LARGE1: variants seen among roughly 807,000 people sequenced by gnomAD.
LARGE1 encodes LARGE xylosyl- and glucuronyltransferase 1.
A neutral mutation model predicts 87.6 loss-of-function variants in LARGE1; 43 were observed. That is an observed-to-expected ratio of 0.49 (90% CI 0.38 to 0.63). The LOEUF (loss-of-function observed/expected upper bound fraction) is 0.63, where lower values mean the gene tolerates loss of function less well. Among genes scored for constraint, LARGE1 ranks in the 30% least tolerant of loss-of-function variants. LARGE1 has a pLI of 0.00. For synonymous variants in LARGE1, 434 were observed against 394.6 expected (o/e 1.10, Z -1.18); for missense variants, 802 against 1,000.2 (o/e 0.80, Z 2.67).
At chr22:33,396,570 T>C (rs2065754412) in intron 7 of LARGE1, among the ~76,000 whole-genome samples, 1 of 151,812 alleles carries the variant, frequency 6.6e-6, no homozygotes, top group African/African-American at 2.4e-5. Flanking sequence ...CTTGGCTGGG[T>C]TTTTCTCAAG....
At chr22:33,184,103 T>TATATATATATATAA (rs71187247) in intron 11 of LARGE1, among the ~76,000 whole-genome samples, 2 of 142,318 alleles carry the variant, frequency 1.4e-5, no homozygotes, top group African/African-American at 5.2e-5. Context: ...TATATATATA[T>TATATATATATATAA]CATATCTTTA....
chr22:33,491,717 C>T (rs1418389977), intron 6 of LARGE1, among the ~76,000 whole-genome samples: 1 of 152,146 alleles, frequency 6.6e-6, no homozygotes, highest in Admixed American at 6.5e-5. Flanking sequence ...CATTTTTGTG[C>T]CCACCATTGG....
rs879265043 is a variant in LARGE1, at chr22:33,770,068, T to C, written c.-82-8510A>G. Among the ~76,000 whole-genome samples the C allele has an allele frequency of 2.0e-5, 3 of 152,216 alleles. No homozygotes were observed. In the East Asian group the frequency reaches 5.8e-4, roughly 29 times the overall value. ...CCAGAAGCAATCATAGAACATAATA[T>C]GCAAAGTGTGCAAATGTACTTTAAA... On this transcript the variant is annotated intron_variant, in intron 1 of 14. Transcript: ENST00000397394.
At chr22:33,546,877 C>T (rs533835879) in intron 6 of LARGE1, among the ~76,000 whole-genome samples, 175 of 152,204 alleles carry the variant, frequency 1.1e-3, no homozygotes, top group Middle Eastern at 3.4e-3. Context: ...AACCACCGCA[C>T]CTGGCCCATC....
chr22:33,502,259 G>A (rs1204339892), intron 6 of LARGE1, among the ~76,000 whole-genome samples: 3 of 151,812 alleles, frequency 2.0e-5, no homozygotes, highest in Non-Finnish European at 1.5e-5. Flanking sequence ...GGCAGTGACA[G>A]CGGCGGTGAG....
chr22:33,182,563 T>G (rs766930544), intron 11 of LARGE1, among the ~76,000 whole-genome samples: 6 of 152,220 alleles, frequency 3.9e-5, no homozygotes, highest in Non-Finnish European at 7.3e-5. Context: ...GGCATCACAC[T>G]CTGTGATTTT....
intron 6 of LARGE1, among the ~76,000 whole-genome samples, chr22:33,530,486 C>T (rs1602276938): frequency 7.1e-6 from 1 of 141,654 alleles, no homozygotes; most frequent in Admixed American, 7.2e-5. Context: ...TTTTAGCCAT[C>T]AGATAAGTCT....
At chr22:33,092,653 G>A in the LARGE1 span, among the ~76,000 whole-genome samples, 2 of 131,764 alleles carry the variant, frequency 1.5e-5, no homozygotes, top group African/African-American at 5.6e-5. Flanking sequence ...GCCCCAGTAT[G>A]TGTTGTTCCC....
intron 7 of LARGE1, among the ~76,000 whole-genome samples, chr22:33,423,509 T>C (rs1245839193): frequency 2.0e-5 from 3 of 151,390 alleles, no homozygotes; most frequent in Non-Finnish European, 4.4e-5. Context: ...AAACCCCGTC[T>C]CTATTAAAAA....
intron 1 of LARGE1, among the ~76,000 whole-genome samples, chr22:33,805,578 C>CA (rs1195657822): frequency 6.6e-6 from 1 of 151,702 alleles, no homozygotes; most frequent in Non-Finnish European, 1.5e-5. Flanking sequence ...TGCAAAAATA[C>CA]AAAAAATTAG....
chr22:33,871,028 C>A (rs1318127014), intron 1 of LARGE1, among the ~76,000 whole-genome samples: 2 of 152,204 alleles, frequency 1.3e-5, no homozygotes, highest in African/African-American at 4.8e-5. Context: ...GAATTGAACT[C>A]AGAAGGTCTG....
chr22:33,560,515 C>T (rs1189388388), intron 6 of LARGE1, among the ~76,000 whole-genome samples: 1 of 152,196 alleles, frequency 6.6e-6, no homozygotes, highest in African/African-American at 2.4e-5. Flanking sequence ...TTCAGCACGG[C>T]CTTCTTCCAA....
rs1436800949 is a variant in LARGE1, at chr22:33,433,713, A to G, written c.788-1448T>C. Reference sequence around the variant, plus strand: ...AATGACTCTCTTCTACAGCTAACCAATACCTTTTGAATTTACACTCTTGTA... The same window carrying G: ...AATGACTCTCTTCTACAGCTAACCAGTACCTTTTGAATTTACACTCTTGTA... On this transcript the variant is annotated intron_variant, in intron 6 of 14. Transcript: ENST00000397394. 1.3e-5 allele frequency among the ~76,000 whole-genome samples: 2 copies of G among 152,104 alleles called. 1 individual carries two copies.
At chr22:33,397,908 A>G (rs1242895149) in intron 7 of LARGE1, among the ~76,000 whole-genome samples, 1 of 152,182 alleles carries the variant, frequency 6.6e-6, no homozygotes, top group Non-Finnish European at 1.5e-5. Context: ...AATGAGGGTC[A>G]TAGTCTTTTT....
At chr22:33,619,326 A>G (rs1286713677) in intron 4 of LARGE1, among the ~76,000 whole-genome samples, 1 of 152,082 alleles carries the variant, frequency 6.6e-6, no homozygotes, top group Non-Finnish European at 1.5e-5. Context: ...AGGCTAAGGC[A>G]GGCAGATCAC....
chr22:33,592,500 T>C (rs189965558), intron 5 of LARGE1, among the ~76,000 whole-genome samples: 55 of 152,292 alleles, frequency 3.6e-4, no homozygotes, highest in African/African-American at 1.2e-3. Flanking sequence ...ACCACCTAAG[T>C]TACCCCACAA....
chr22:33,416,201 C>T (rs910004487), intron 7 of LARGE1, among the ~76,000 whole-genome samples: 1 of 152,194 alleles, frequency 6.6e-6, no homozygotes, highest in Non-Finnish European at 1.5e-5. Context: ...GCTTGAGCTC[C>T]TCCCTGCTCC....
At chr22:33,351,813 C>G (rs983781582) in intron 9 of LARGE1, among the ~76,000 whole-genome samples, 9 of 151,588 alleles carry the variant, frequency 5.9e-5, no homozygotes, top group African/African-American at 1.9e-4. Flanking sequence ...GCAATCTTGG[C>G]TCACTGCAAC....
chr22:33,896,935 A>ATCAGAGAGAGGTCC (rs2065161288), intron 1 of LARGE1, among the ~76,000 whole-genome samples: 1 of 152,158 alleles, frequency 6.6e-6, no homozygotes, highest in Non-Finnish European at 1.5e-5. Flanking sequence ...ATGGTGGGGT[A>ATCAGAGAGAGGTCC]TCAGAGAGAG....
Sources: allele counts gnomAD v4.1 joint callset (sites outside exome capture counted in the v4.1 genomes callset), GRCh38; gene constraint gnomAD v4.1.1; transcripts MANE v1.5; gene names NCBI Gene and HGNC (gene_info 2026-07-23, HGNC 2026-07-21).